The following KIRREL3 variants were observed in gnomAD, a reference collection of about 807,000 sequenced individuals.
The protein encoded by KIRREL3 is kin of IRRE-like protein 3.
In KIRREL3, 36 loss-of-function variants were observed where a neutral mutation model predicts 89.7. The ratio of observed to expected loss-of-function variants is 0.40; its 90% CI spans 0.31 to 0.53. KIRREL3 has a LOEUF of 0.53. Ranked by LOEUF, KIRREL3 falls within the 20% of genes least tolerant of loss-of-function variation. The probability of loss-of-function intolerance (pLI) is 0.49; values close to 1 mark genes in which losing one functional copy is unlikely to be tolerated. For missense variants in KIRREL3, 864 were observed against 1,056.6 expected, an observed-to-expected ratio of 0.82 and a Z score of 2.53; for synonymous variants, 445 against 441.4, an observed-to-expected ratio of 1.01 and a Z score of -0.10.
rs1032499325 is a variant in KIRREL3 at position 126,898,705 on chromosome 11, G to A, written c.55+101750C>T. ...TCAAACATAGAATAGTTACCTGGGGGTAAAGGAAGGGAAATGGAAGTGAGG... is the reference window on the plus strand; with the variant it reads ...TCAAACATAGAATAGTTACCTGGGGATAAAGGAAGGGAAATGGAAGTGAGG... On this transcript the variant is annotated intron_variant, in intron 1 of 16. Coordinates refer to ENST00000525144, the MANE Select transcript of KIRREL3 (RefSeq NM_032531.4). The surrounding 1 kb of genome is among the most constrained non-coding windows in gnomAD (Gnocchi z 4.9). Among the ~76,000 whole-genome samples the A allele has an allele frequency of 4.6e-5, 7 of 152,082 alleles. No homozygotes were observed. Among genetic ancestry groups the A allele is most frequent in the African/African-American group, 7.2e-5 (3 of 41,400 alleles).
chr11:126,801,022 G>A lies in KIRREL3; in HGVS notation c.55+199433C>T, dbSNP rs543061427. 1.5e-3 allele frequency among the ~76,000 whole-genome samples: 230 copies of A among 152,224 alleles called. 1 individual carries two copies. Among genetic ancestry groups the A allele is most frequent in the Non-Finnish European group, 2.7e-3 (187 of 68,024 alleles). On this transcript the variant is annotated intron_variant, in intron 1 of 16. Transcript: ENST00000525144. Reference sequence around the variant, plus strand: ...AGCAGCTGATATTTGTGGTGCATGCGTGCCCACATACCTGACATTTGCAAA... The same window carrying A: ...AGCAGCTGATATTTGTGGTGCATGCATGCCCACATACCTGACATTTGCAAA...
At position 126,431,789 on chromosome 11, in the gene KIRREL3, G is replaced by T. The variant is rs1955143024; in HGVS notation, c.1589-263C>A. 6.6e-6 allele frequency among the ~76,000 whole-genome samples: 1 copy of T among 152,110 alleles called. No homozygotes were observed. The stretch of plus-strand genomic sequence containing the variant: ...TGAGGTAAAGGGCAGAGGAAGGAGA[G>T]CGAGGCAGGCAGACACGGAGAAGGG... On this transcript the variant is annotated intron_variant, in intron 13 of 16. Coordinates refer to ENST00000525144, the MANE Select transcript of KIRREL3 (RefSeq NM_032531.4). This position sits in a 1 kb window ranked among gnomAD's most constrained non-coding sequence, Gnocchi z 7.1.
rs1191272840 is a variant in KIRREL3 at position 126,624,535 on chromosome 11, C to T, written c.56-61623G>A. 6.6e-6 allele frequency among the ~76,000 whole-genome samples: 1 copy of T among 152,136 alleles called. No individual in the cohort carries two copies. The highest frequency in any genetic ancestry group is 1.5e-5 in the Non-Finnish European group (1 of 68,042). On this transcript the variant is annotated intron_variant, in intron 1 of 16. Transcript: ENST00000525144. The surrounding 1 kb of genome is among the most constrained non-coding windows in gnomAD (Gnocchi z 6.0). Reference sequence around the variant, plus strand: ...TGTAAAAACCCTGGTTTCCCCTTCCCATTCCCGGTGCCTTCCCAGTGTGCT... The same window carrying T: ...TGTAAAAACCCTGGTTTCCCCTTCCTATTCCCGGTGCCTTCCCAGTGTGCT...
Position 126,553,029 on chromosome 11 carries a change from A to T in KIRREL3, c.133+9806T>A, listed in dbSNP as rs1939411249. On this transcript the variant is annotated intron_variant, in intron 2 of 16. Coordinates refer to ENST00000525144, the MANE Select transcript of KIRREL3 (RefSeq NM_032531.4). This position sits in a 1 kb window ranked among gnomAD's most constrained non-coding sequence, Gnocchi z 4.7. ...GAGGAAAAAGTCTAGTGGGGACACT[A>T]GTACCACTCATGGTGTGTGTGAGCA... 6.6e-6 allele frequency among the ~76,000 whole-genome samples: 1 copy of T among 152,226 alleles called. No homozygotes were observed. The highest frequency in any genetic ancestry group is 2.1e-4 in the South Asian group (1 of 4,830).
At position 126,948,138 on chromosome 11, in the gene KIRREL3, G is replaced by T. The variant is rs1048512585; in HGVS notation, c.55+52317C>A. On this transcript the variant is annotated intron_variant, in intron 1 of 16. Transcript: ENST00000525144. The surrounding 1 kb of genome is among the most constrained non-coding windows in gnomAD (Gnocchi z 4.5). Reference sequence around the variant, plus strand: ...ATTGATTTTCTATCCATTGCCTAGTGGTTAACCCTCAATAAATGCTTTTTG... The same window carrying T: ...ATTGATTTTCTATCCATTGCCTAGTTGTTAACCCTCAATAAATGCTTTTTG... 6.6e-6 allele frequency among the ~76,000 whole-genome samples: 1 copy of T among 152,078 alleles called. No individual in the cohort carries two copies. The highest frequency in any genetic ancestry group is 1.5e-5 in the Non-Finnish European group (1 of 68,002).
intron 1 of KIRREL3, among the ~76,000 whole-genome samples, chr11:126,962,206 A>T (rs1305221197): frequency 6.6e-6 from 1 of 152,256 alleles, no homozygotes; most frequent in African/African-American, 2.4e-5. Flanking sequence ...TAGCTGCCTC[A>T]GATGGTGATT....
chr11:126,500,450 C>G (rs1195671996), intron 4 of KIRREL3, among the ~76,000 whole-genome samples: 1 of 152,154 alleles, frequency 6.6e-6, no homozygotes, highest in East Asian at 1.9e-4. Flanking sequence ...AGTTGAAAAA[C>G]AGGATGTGGC....
chr11:126,493,508 A>G (rs1957576438), intron 4 of KIRREL3, among the ~76,000 whole-genome samples: 1 of 152,054 alleles, frequency 6.6e-6, no homozygotes, highest in South Asian at 2.1e-4. Flanking sequence ...ACAAAAAACT[A>G]GCCGGGTGTG....
chr11:126,742,232 A>G lies in KIRREL3; in HGVS notation c.56-179320T>C, dbSNP rs1949009060. ...ATGATGGGTTCAGTGTAAATGACTCAAAAACATATGGATGGCATTTCTTGA... is the reference window on the plus strand; with the variant it reads ...ATGATGGGTTCAGTGTAAATGACTCGAAAACATATGGATGGCATTTCTTGA... On this transcript the variant is annotated intron_variant, in intron 1 of 16. Coordinates refer to ENST00000525144, the MANE Select transcript of KIRREL3 (RefSeq NM_032531.4). The surrounding 1 kb of genome is among the most constrained non-coding windows in gnomAD (Gnocchi z 5.3). Among the ~76,000 whole-genome samples the G allele has an allele frequency of 6.6e-6, 1 of 152,180 alleles. No individual in the cohort carries two copies. The highest frequency in any genetic ancestry group is 6.5e-5 in the Admixed American group (1 of 15,286).
chr11:126,834,629 A>G (rs566442809), intron 1 of KIRREL3, among the ~76,000 whole-genome samples: 6 of 152,378 alleles, frequency 3.9e-5, no homozygotes, highest in African/African-American at 1.4e-4. Context: ...TCTGACGTCT[A>G]AGAGTCTTGC....
At chr11:126,806,249 C>T (rs1951200076) in intron 1 of KIRREL3, among the ~76,000 whole-genome samples, 1 of 152,190 alleles carries the variant, frequency 6.6e-6, no homozygotes, top group Admixed American at 6.5e-5. Flanking sequence ...CTCATGTGCT[C>T]ACAACAACAA....
At chr11:126,863,498 AGTGT>A (rs1565363245) in intron 1 of KIRREL3, among the ~76,000 whole-genome samples, 3 of 3,320 alleles carry the variant, frequency 9.0e-4, no homozygotes, top group African/African-American at 4.6e-3. Flanking sequence ...TGCGTGTGTG[AGTGT>A]GAGTGCGTGT....
At chr11:126,852,870 C>A (rs1944388546) in intron 1 of KIRREL3, among the ~76,000 whole-genome samples, 1 of 152,152 alleles carries the variant, frequency 6.6e-6, no homozygotes, top group Non-Finnish European at 1.5e-5. Flanking sequence ...TGAGCAGAGG[C>A]TGCACCATCC....
At chr11:126,881,273 G>T (rs1395219517) in intron 1 of KIRREL3, among the ~76,000 whole-genome samples, 1 of 152,130 alleles carries the variant, frequency 6.6e-6, no homozygotes, top group African/African-American at 2.4e-5. Context: ...TGTTAATGGG[G>T]CTTCTTTTTG....
At chr11:126,481,871 C>A (rs1471094472) in intron 4 of KIRREL3, among the ~76,000 whole-genome samples, 1 of 152,190 alleles carries the variant, frequency 6.6e-6, no homozygotes, top group Non-Finnish European at 1.5e-5. Context: ...TGTTTCAAAT[C>A]CTCTGAAAGT....
At chr11:126,650,146 G>A (rs1043389665) in intron 1 of KIRREL3, among the ~76,000 whole-genome samples, 10 of 152,218 alleles carry the variant, frequency 6.6e-5, no homozygotes, top group African/African-American at 1.7e-4. Flanking sequence ...TGCACACAGC[G>A]TGGGGACCCT....
rs1304566370 is a variant in KIRREL3 at position 126,571,135 on chromosome 11, T to C, written c.56-8223A>G. Among the ~76,000 whole-genome samples, 1 of 152,232 alleles carries C rather than the reference T, an allele frequency of 6.6e-6. No individual in the cohort carries two copies. The highest frequency in any genetic ancestry group is 1.9e-4 in the East Asian group (1 of 5,204). ...GCTCTGTCTCCATTCTCTGTGAGAT[T>C]CGACTCCCAACCAATTCGGAGTCTC... On this transcript the variant is annotated intron_variant, in intron 1 of 16. Transcript: ENST00000525144. This position sits in a 1 kb window ranked among gnomAD's most constrained non-coding sequence, Gnocchi z 7.7.
chr11:126,849,208 C>T (rs1349758673), intron 1 of KIRREL3, among the ~76,000 whole-genome samples: 1 of 152,178 alleles, frequency 6.6e-6, no homozygotes, highest in Non-Finnish European at 1.5e-5. Flanking sequence ...CTCTGGTCGT[C>T]CTCACTGCTA....
At chr11:126,456,057 T>TTTTTTTC (rs147218473) in intron 7 of KIRREL3, among the ~76,000 whole-genome samples, 12 of 109,802 alleles carry the variant, frequency 1.1e-4, no homozygotes, top group Non-Finnish European at 1.2e-4. Flanking sequence ...TTTTTTTTTT[T>TTTTTTTC]CCTGAGCCTT....
Sources: gnomAD v4.1 joint callset for allele counts (sites outside exome capture counted in the v4.1 genomes callset) on GRCh38, gnomAD v4.1.1 for gene constraint, Gnocchi (gnomAD v3.1) non-coding constraint, MANE v1.5 for transcripts, NCBI Gene and HGNC (gene_info 2026-07-23, HGNC 2026-07-21) for gene names.